Variants in STEAP1B observed in about 807,000 individuals in gnomAD.
STEAP1B encodes the protein STEAP family member 1B.
In STEAP1B, 13 loss-of-function variants were observed where a neutral mutation model predicts 27.9. The observed-to-expected ratio is 0.47, with a 90% CI of 0.30 to 0.74. The LOEUF (loss-of-function observed/expected upper bound fraction) is 0.74, where lower values mean the gene tolerates loss of function less well. Ranked by LOEUF, STEAP1B falls within the 30% of genes least tolerant of loss-of-function variation. The pLI is 0.06. For synonymous variants in STEAP1B, 86 were observed against 107.1 expected (o/e 0.80, Z 1.22); for missense variants, 250 against 298.7 (o/e 0.84, Z 1.20).
chr7:22,490,356 C>T (rs1786299786), intron 4 of STEAP1B, among the ~76,000 whole-genome samples: 1 of 152,092 alleles, frequency 6.6e-6, no homozygotes, highest in African/African-American at 2.4e-5. Context: ...TATGTAAGCC[C>T]TCTTTTTCTA....
In STEAP1B at chr7:22,419,663, T is replaced by C. The variant is rs1785020361; in HGVS notation, c.*141A>G. On this transcript the variant is annotated 3_prime_UTR_variant, in exon 5 of 5. Transcript: ENST00000678116. ...ACTCATCTGCCCTGCCGGATCCATG[T>C]TGACAGAGCAGCCGTCACCTGCAGC... 2.1e-6 allele frequency: 2 copies of C among 933,428 alleles called. No homozygotes were observed. The highest frequency in any genetic ancestry group is 2.1e-5 in the South Asian group (1 of 46,862). 57.8% of individuals were successfully genotyped at this position (933,428 alleles called of 1,614,324 possible). A position where few individuals can be genotyped will look rare whatever the true frequency, so the allele number is the denominator to read the frequency against.
At chr7:22,468,804 G>A (rs779882162) in intron 4 of STEAP1B, among the ~76,000 whole-genome samples, 31 of 152,138 alleles carry the variant, frequency 2.0e-4, no homozygotes, top group Non-Finnish European at 3.1e-4. Context: ...ATCTTGTGAC[G>A]TCATAGCCAT....
intron 4 of STEAP1B, among the ~76,000 whole-genome samples, chr7:22,473,473 T>C (rs1785920469): frequency 1.3e-5 from 2 of 152,218 alleles, no homozygotes; most frequent in South Asian, 4.1e-4. Context: ...CCACTTCTAC[T>C]ACCATCCAAC....
intron 4 of STEAP1B, among the ~76,000 whole-genome samples, chr7:22,490,106 T>A (rs2128416778): frequency 6.6e-6 from 1 of 152,330 alleles, no homozygotes; most frequent in South Asian, 2.1e-4. Context: ...TTGAAAACAA[T>A]CCAAAAGATC....
chr7:22,425,018 C>T (rs1317900116), intron 4 of STEAP1B, among the ~76,000 whole-genome samples: 2 of 152,090 alleles, frequency 1.3e-5, no homozygotes, highest in Admixed American at 1.3e-4. Flanking sequence ...GTGAGATTTT[C>T]AAATATTCAT....
chr7:22,464,490 G>A (rs1450841267), intron 4 of STEAP1B, among the ~76,000 whole-genome samples: 1 of 152,150 alleles, frequency 6.6e-6, no homozygotes, highest in East Asian at 1.9e-4. Context: ...GCTGACTTGT[G>A]CCTGCCCCCG....
chr7:22,492,707 G>A lies in STEAP1B; in HGVS notation c.620C>T (p.Ala207Val), dbSNP rs1344498104. ...TCTCCAAACATCATGCTCAATCCAG[G>A]CATCTTCTTTATTTTGTTGGACCTA... ...YQQVQQNKED[A>V]WIEHDVWRME... Residue 207 changes from alanine to valine, a missense_variant, in exon 4 of 5, where the codon GCC (alanine) becomes GTC (valine). Transcript: ENST00000678116. The A allele has an allele frequency of 6.3e-6, 10 of 1,597,056 alleles. No homozygotes were observed. The Admixed American group carries it at 1.1e-4, about 17-fold the overall frequency.
chr7:22,479,876 G>A (rs1252544486), intron 4 of STEAP1B, among the ~76,000 whole-genome samples: 1 of 151,820 alleles, frequency 6.6e-6, no homozygotes, highest in Admixed American at 6.6e-5. Context: ...AGTAGAGATG[G>A]GATTTTGTCA....
chr7:22,489,316 A>G (rs1786277521), intron 4 of STEAP1B, among the ~76,000 whole-genome samples: 1 of 152,228 alleles, frequency 6.6e-6, no homozygotes, highest in Non-Finnish European at 1.5e-5. Flanking sequence ...CACCATACTT[A>G]AACAGTACTA....
chr7:22,466,409 G>C (rs1275719989), intron 4 of STEAP1B, among the ~76,000 whole-genome samples: 1 of 126,750 alleles, frequency 7.9e-6, no homozygotes, highest in Non-Finnish European at 1.5e-5. Context: ...AGTATCTACT[G>C]TTTTCTTTGT....
chr7:22,472,677 G>A (rs558288739), intron 4 of STEAP1B, among the ~76,000 whole-genome samples: 1 of 152,170 alleles, frequency 6.6e-6, no homozygotes, highest in Admixed American at 6.5e-5. Context: ...GGTGGTGAAA[G>A]GAGTCTCCTC....
chr7:22,442,257 C>A (rs965512401), intron 4 of STEAP1B, among the ~76,000 whole-genome samples: 11 of 152,226 alleles, frequency 7.2e-5, no homozygotes, highest in African/African-American at 2.7e-4. Context: ...GAGTTGGAAC[C>A]AGCAGTTTTC....
intron 4 of STEAP1B, among the ~76,000 whole-genome samples, chr7:22,474,316 T>C (rs1785935064): frequency 1.3e-5 from 2 of 152,116 alleles, no homozygotes; most frequent in Admixed American, 1.3e-4. Flanking sequence ...TCTGAGGAGT[T>C]TGCTAAAAAA....
chr7:22,462,949 T>C (rs919994857), intron 4 of STEAP1B, among the ~76,000 whole-genome samples: 21 of 152,362 alleles, frequency 1.4e-4, no homozygotes, highest in African/African-American at 2.4e-4. Flanking sequence ...TAGTATCTCA[T>C]TGCGGTTTTG....
chr7:22,474,826 T>G (rs1785943696), intron 4 of STEAP1B, among the ~76,000 whole-genome samples: 1 of 152,166 alleles, frequency 6.6e-6, no homozygotes, highest in African/African-American at 2.4e-5. Flanking sequence ...ATGCCAGTGG[T>G]GAGTGGTGAG....
rs372556491 is a variant in STEAP1B, at chr7:22,498,127, G to A, written c.-32+1987C>T. Among the ~76,000 whole-genome samples the A allele has an allele frequency of 3.0e-4, 45 of 152,292 alleles. 2 individuals are homozygous for A. In the South Asian group the frequency reaches 5.2e-3, roughly 18 times the overall value. Reference sequence around the variant, plus strand: ...AGGTGGAGCTCAGGCAGTAATGCTCGCTGGCCTGCCACTCCCCTCCTGCTG... The same window carrying A: ...AGGTGGAGCTCAGGCAGTAATGCTCACTGGCCTGCCACTCCCCTCCTGCTG... On this transcript the variant is annotated intron_variant, in intron 1 of 4. Coordinates refer to ENST00000678116, the MANE Select transcript of STEAP1B (RefSeq NM_001382447.1).
At chr7:22,456,916 A>T (rs2128406421) in intron 4 of STEAP1B, among the ~76,000 whole-genome samples, 1 of 140,716 alleles carries the variant, frequency 7.1e-6, no homozygotes, top group African/African-American at 2.7e-5. Context: ...GCTGCACCGC[A>T]GACCACCTGA....
At chr7:22,481,773 C>G (rs561894821) in intron 4 of STEAP1B, among the ~76,000 whole-genome samples, 1 of 152,336 alleles carries the variant, frequency 6.6e-6, no homozygotes, top group Admixed American at 6.5e-5. Context: ...CAGATGAACA[C>G]AGTCACGTAA....
intron 4 of STEAP1B, among the ~76,000 whole-genome samples, chr7:22,452,716 G>A (rs1011647908): frequency 6.6e-6 from 1 of 152,124 alleles, no homozygotes; most frequent in Non-Finnish European, 1.5e-5. Flanking sequence ...GAGTAAGCAG[G>A]AACTACATGG....
Sources: allele counts gnomAD v4.1 joint callset (sites outside exome capture counted in the v4.1 genomes callset), GRCh38; gene constraint gnomAD v4.1.1; transcripts MANE v1.5; gene names NCBI Gene and HGNC (gene_info 2026-07-23, HGNC 2026-07-21).